Variants in IL1RN observed in about 807,000 individuals in gnomAD.
IL1RN encodes interleukin-1 receptor antagonist protein.
A neutral mutation model predicts 13.7 loss-of-function variants in IL1RN; 10 were observed. That is an observed-to-expected ratio of 0.73 (90% CI 0.45 to 1.24). The LOEUF (loss-of-function observed/expected upper bound fraction) is 1.24, where lower values mean the gene tolerates loss of function less well. Among genes scored for constraint, IL1RN ranks in the 50% most tolerant of loss-of-function variants. The pLI is 0.00. For missense variants in IL1RN, 213 were observed against 222.1 expected (o/e 0.96, Z 0.26); for synonymous variants, 102 against 82.7 (o/e 1.23, Z -1.27).
chr2:113,099,630 G>A, the IL1RN span, among the ~76,000 whole-genome samples: 393 of 150,710 alleles, frequency 2.6e-3, 1 homozygote, highest in African/African-American at 9.3e-3. Flanking sequence ...AGTTCACGAT[G>A]TGGGTCTCCA....
upstream of IL1RN, among the ~76,000 whole-genome samples, chr2:113,106,593 C>A (rs554468144): frequency 6.6e-6 from 1 of 152,058 alleles, no homozygotes; most frequent in African/African-American, 2.4e-5. Context: ...TTATAAATAA[C>A]TTAATGTGGC....
chr2:113,120,227 T>C, intron 2 of IL1RN: 2 of 880,960 alleles, frequency 2.3e-6, no homozygotes, highest in East Asian at 2.4e-5. Context: ...AGATGAATGG[T>C]TTAATTAAAA....
At chr2:113,121,378 T>C in intron 2 of IL1RN, 2 of 822,442 alleles carry the variant, frequency 2.4e-6, no homozygotes, top group African/African-American at 1.9e-5. Flanking sequence ...GCCTAAACTA[T>C]AACAGGTAAG....
upstream of IL1RN, among the ~76,000 whole-genome samples, chr2:113,109,036 G>A (rs560451825): frequency 2.6e-5 from 4 of 151,668 alleles, no homozygotes; most frequent in South Asian, 8.3e-4. Context: ...ATGGGAAGGG[G>A]AATGGAATAA....
the IL1RN span, among the ~76,000 whole-genome samples, chr2:113,100,187 G>T: frequency 1.3e-5 from 2 of 151,312 alleles, no homozygotes; most frequent in Non-Finnish European, 2.9e-5. Flanking sequence ...TTAGCCGGGC[G>T]TGGTGGCGGG....
At chr2:113,129,853 G>A (rs991831814) in intron 2 of IL1RN, 189 bp downstream of exon 2, 2 of 602,168 alleles carry the variant, frequency 3.3e-6, no homozygotes, top group Non-Finnish European at 6.1e-6. Flanking sequence ...CCTGAAGAGG[G>A]TGTGGAGAGG....
At chr2:113,118,500 A>G (rs572701459) in intron 1 of IL1RN, among the ~76,000 whole-genome samples, 1 of 152,018 alleles carries the variant, frequency 6.6e-6, no homozygotes, top group East Asian at 1.9e-4. Flanking sequence ...AGTCAGTTCC[A>G]CCAGTTGTCA....
chr2:113,110,883 C>T (rs112061328), upstream of IL1RN, among the ~76,000 whole-genome samples: 4 of 152,200 alleles, frequency 2.6e-5, no homozygotes, highest in Admixed American at 1.3e-4. Flanking sequence ...CATACTAAAT[C>T]GATGTGTTGG....
chr2:113,116,863 C>T (rs1346416989), upstream of IL1RN, among the ~76,000 whole-genome samples: 1 of 152,150 alleles, frequency 6.6e-6, no homozygotes, highest in Admixed American at 6.5e-5. Context: ...TCCGGTGAGC[C>T]CTAAGTCTAA....
At chr2:113,126,585 G>A (rs901550080), upstream of IL1RN, among the ~76,000 whole-genome samples, 7 of 152,162 alleles carry the variant, frequency 4.6e-5, no homozygotes, top group East Asian at 1.2e-3. Context: ...TCCAGGCCCC[G>A]GGTCTAGAAT....
chr2:113,131,548 G>A (rs1687172375), intron 3 of IL1RN, among the ~76,000 whole-genome samples: 1 of 152,120 alleles, frequency 6.6e-6, no homozygotes, highest in Non-Finnish European at 1.5e-5. Flanking sequence ...CCCCCTGTGA[G>A]AGGAGACTGC....
chr2:113,120,244 C>T (rs1686724114), intron 2 of IL1RN: 1 of 835,842 alleles, frequency 1.2e-6, no homozygotes, highest in Non-Finnish European at 2.1e-6. Context: ...AAAAATTAAT[C>T]AGAATGAAAA....
intron 3 of IL1RN, among the ~76,000 whole-genome samples, chr2:113,131,672 G>A (rs979392923): frequency 3.9e-5 from 6 of 152,030 alleles, no homozygotes; most frequent in Non-Finnish European, 5.9e-5. Flanking sequence ...CCCTACCCAC[G>A]CAGACCTGCT....
chr2:113,118,557 A>G (rs1176209185), intron 1 of IL1RN, among the ~76,000 whole-genome samples: 1 of 152,216 alleles, frequency 6.6e-6, no homozygotes. Context: ...CTTTTCCAGA[A>G]GAGTCCGATA....
In IL1RN at chr2:113,127,607, C is replaced by T; in HGVS notation, c.-18C>T. ...CTGGGCCCGCAATGGCAGTCCACTG[C>T]CTTGCTGCAGTCACAGAATGGAAAT... On this transcript the variant is annotated 5_prime_UTR_variant, in exon 1 of 4. Transcript: ENST00000409930. The T allele has an allele frequency of 1.9e-6, 3 of 1,613,510 alleles. No homozygotes were observed. Among genetic ancestry groups the T allele is most frequent in the Non-Finnish European group, 2.5e-6 (3 of 1,179,784 alleles).
At position 113,129,615 on chromosome 2, in the gene IL1RN, C is replaced by A; in HGVS notation, c.156C>A (p.Asn52Lys). The change falls in exon 2 of 4, where the codon AAC becomes AAA. Residue 52 changes from asparagine (N) to lysine (K), a missense_variant. By Grantham distance (94) the Asn-to-Lys change is moderately conservative. Transcript: ENST00000409930. The stretch of plus-strand genomic sequence containing the variant: ...ACCAGAAGACCTTCTATCTGAGGAA[C>A]AACCAACTAGTTGCTGGATACTTGC... ...DVNQKTFYLR[N>K]NQLVAGYLQG... 6.2e-7 allele frequency: 1 copy of A among 1,613,340 alleles called. No homozygotes were observed. The highest frequency in any genetic ancestry group is 8.5e-7 in the Non-Finnish European group (1 of 1,179,216).
chr2:113,110,115 GA>G (rs535693575), upstream of IL1RN, among the ~76,000 whole-genome samples: 1 of 151,880 alleles, frequency 6.6e-6, no homozygotes, highest in Admixed American at 6.6e-5. Flanking sequence ...GGTTGCAGAT[GA>G]AAAAAAAGTC....
chr2:113,117,716 G>A (rs1447508417), upstream of IL1RN: 11 of 549,192 alleles, frequency 2.0e-5, no homozygotes, highest in South Asian at 1.3e-4. Flanking sequence ...CCCATCTTAC[G>A]CAGATAAGAA....
chr2:113,107,411 T>C (rs1439035901), upstream of IL1RN: 1 of 152,100 alleles, frequency 6.6e-6, no homozygotes, highest in Non-Finnish European at 1.5e-5. Context: ...ACTGTTAATA[T>C]AAAATTGTGT....
Sources: allele counts gnomAD v4.1 joint callset (sites outside exome capture counted in the v4.1 genomes callset), GRCh38; gene constraint gnomAD v4.1.1; transcripts MANE v1.5; gene names NCBI Gene and HGNC (gene_info 2026-07-23, HGNC 2026-07-21).